The following NDUFA5 variants were observed in gnomAD, a reference collection of about 807,000 sequenced individuals.
NDUFA5 encodes the protein NADH:ubiquinone oxidoreductase subunit A5.
Under a neutral mutation model 19.8 loss-of-function variants are expected in NDUFA5, and 11 were observed. The observed-to-expected ratio is 0.56, with a 90% confidence interval of 0.35 to 0.92. NDUFA5 has a LOEUF of 0.92. NDUFA5 is among the 40% of genes least tolerant of loss of function. The pLI, the probability that NDUFA5 is intolerant of heterozygous loss-of-function variation, is 0.01. For missense variants in NDUFA5, 109 were observed against 134.2 expected (o/e 0.81, Z 0.93); for synonymous variants, 47 against 46.8 (o/e 1.00, Z -0.01).
intron 2 of NDUFA5, chr7:123,557,183 A>C: frequency 1.4e-6 from 1 of 720,710 alleles, no homozygotes; most frequent in Non-Finnish European, 2.5e-6. Context: ...GGAAAAAGTC[A>C]ACAAGAAAAC....
intron 3 of NDUFA5, 71 bp downstream of exon 3, chr7:123,550,399 A>T: frequency 1.2e-6 from 1 of 828,934 alleles, no homozygotes; most frequent in Non-Finnish European, 2.0e-6. Flanking sequence ...TGTCGAATAT[A>T]TAAAAAATAA....
the NDUFA5 span, among the ~76,000 whole-genome samples, chr7:123,595,514 CG>C: frequency 6.6e-6 from 1 of 152,170 alleles, no homozygotes; most frequent in African/African-American, 2.4e-5. Context: ...GACCAACTAT[CG>C]TCATGCTTAT....
chr7:123,562,402 TTAGA>T (rs1433376356), upstream of NDUFA5, among the ~76,000 whole-genome samples: 26 of 152,350 alleles, frequency 1.7e-4, no homozygotes, highest in African/African-American at 6.0e-4. Context: ...TTTGAAAGTC[TTAGA>T]TAGCATCTTT....
the NDUFA5 span, among the ~76,000 whole-genome samples, chr7:123,584,070 T>G: frequency 0.21 from 32,331 of 151,858 alleles, 3,658 homozygotes; most frequent in East Asian, 0.4. Flanking sequence ...TGGTGAGCTC[T>G]TCTAGCCACA....
chr7:123,567,072 A>G, the NDUFA5 span: 1 of 152,234 alleles, frequency 6.6e-6, no homozygotes, highest in Non-Finnish European at 1.5e-5. Flanking sequence ...AGATAGAGCT[A>G]TTTGATCCTG....
the NDUFA5 span, among the ~76,000 whole-genome samples, chr7:123,575,727 TG>T: frequency 6.6e-6 from 1 of 152,000 alleles, no homozygotes; most frequent in Non-Finnish European, 1.5e-5. Flanking sequence ...TTAATTATCT[TG>T]TAAGTGATGC....
chr7:123,561,621 A>G (rs760155689), upstream of NDUFA5, among the ~76,000 whole-genome samples: 1 of 150,896 alleles, frequency 6.6e-6, no homozygotes, highest in Non-Finnish European at 1.5e-5. Context: ...TTTTTTTTTG[A>G]GACAGAGTCT....
chr7:123,550,436 T>C (rs774173700), intron 3 of NDUFA5, 34 bp downstream of exon 3: 2 of 128,646 alleles, frequency 1.6e-5, no homozygotes, highest in South Asian at 1.7e-4. Context: ...GGTTAAATGT[T>C]ACACAAGACA....
chr7:123,593,090 A>G, the NDUFA5 span, among the ~76,000 whole-genome samples: 3 of 151,284 alleles, frequency 2.0e-5, no homozygotes, highest in Non-Finnish European at 4.4e-5. Context: ...CCAGGATTGC[A>G]GCCCCTGCTT....
Position 123,545,641 on chromosome 7 carries a change from T to G in NDUFA5, c.219A>C (p.Gln73His). 1 of 1,610,682 alleles carries G rather than the reference T, an allele frequency of 6.2e-7. No individual in the cohort carries two copies. The highest frequency in any genetic ancestry group is 1.1e-5 in the South Asian group (1 of 90,740). The part of the protein sequence containing the change: ...PDVKKLEDQL[Q>H]GGQLEEVILQ... ...GAATCACCTCTTCTAATTGACCGCC[T>G]TGAAGTTGGTCTTCTAATTTTTTAA... Residue 73 changes from glutamine to histidine, a missense_variant, in exon 4 of 5, where the codon CAA (glutamine) becomes CAC (histidine). Transcript: ENST00000355749.
At chr7:123,558,151 G>C, upstream of NDUFA5, 1 of 345,612 alleles carries the variant, frequency 2.9e-6, no homozygotes. Flanking sequence ...CTTAACCGTT[G>C]ATGCATTCCT....
chr7:123,581,189 G>T, the NDUFA5 span, among the ~76,000 whole-genome samples: 9 of 151,910 alleles, frequency 5.9e-5, no homozygotes, highest in African/African-American at 2.2e-4. Context: ...CTCAGGGCAT[G>T]AACACCGTTC....
chr7:123,557,822 C>T (rs762780573), upstream of NDUFA5: 4 of 1,614,084 alleles, frequency 2.5e-6, no homozygotes, highest in Non-Finnish European at 3.4e-6. Flanking sequence ...CGGTGACGCA[C>T]AACCCTTTGG....
At chr7:123,595,313 T>C in the NDUFA5 span, among the ~76,000 whole-genome samples, 13 of 152,346 alleles carry the variant, frequency 8.5e-5, no homozygotes, top group South Asian at 2.5e-3. Context: ...TCATTTGTTC[T>C]CTGGTTGATC....
chr7:123,556,607 CAA>C (rs139768796), intron 2 of NDUFA5: 133 of 192,146 alleles, frequency 6.9e-4, no homozygotes, highest in South Asian at 1.6e-3. Context: ...TCAAATGTGT[CAA>C]AAAAAAAAAA....
the NDUFA5 span, among the ~76,000 whole-genome samples, chr7:123,600,300 T>C: frequency 1.3e-5 from 2 of 152,224 alleles, no homozygotes; most frequent in African/African-American, 4.8e-5. Context: ...TCTATCATTA[T>C]ATGCATTATT....
At chr7:123,587,985 C>T in the NDUFA5 span, among the ~76,000 whole-genome samples, 20 of 151,608 alleles carry the variant, frequency 1.3e-4, no homozygotes, top group Non-Finnish European at 2.8e-4. Context: ...GGGATATTGC[C>T]ATGTAATTTT....
At chr7:123,588,808 T>G in the NDUFA5 span, among the ~76,000 whole-genome samples, 1 of 151,826 alleles carries the variant, frequency 6.6e-6, no homozygotes, top group Non-Finnish European at 1.5e-5. Flanking sequence ...TAAATTTCCC[T>G]TTTGATTTCT....
At chr7:123,576,244 A>C in the NDUFA5 span, among the ~76,000 whole-genome samples, 4 of 150,058 alleles carry the variant, frequency 2.7e-5, no homozygotes, top group African/African-American at 9.8e-5. Flanking sequence ...CTGAGTTTGC[A>C]GCTTTAATTT....
Sources: allele counts gnomAD v4.1 joint callset (sites outside exome capture counted in the v4.1 genomes callset), GRCh38; gene constraint gnomAD v4.1.1; transcripts MANE v1.5; gene names NCBI Gene and HGNC (gene_info 2026-07-23, HGNC 2026-07-21).